Variants in NMT1 observed in about 807,000 individuals in gnomAD.
NMT1 encodes N-myristoyltransferase 1.
A neutral mutation model predicts 63.4 loss-of-function variants in NMT1; 12 were observed. The ratio of observed to expected loss-of-function variants is 0.19; its 90% CI spans 0.12 to 0.31. The LOEUF is 0.31. Among genes scored for constraint, NMT1 ranks in the 10% least tolerant of loss-of-function variants. The pLI, the probability that NMT1 is intolerant of heterozygous loss-of-function variation, is 1.00. For missense variants in NMT1, 432 were observed against 634.6 expected (o/e 0.68, Z 3.43); for synonymous variants, 228 against 234.3 (o/e 0.97, Z 0.25).
intron 1 of NMT1, among the ~76,000 whole-genome samples, chr17:45,065,651 C>G (rs1243353670): frequency 6.9e-6 from 1 of 145,780 alleles, no homozygotes; most frequent in African/African-American, 2.5e-5. Context: ...AAAAGAAATA[C>G]CTACAGAAAC....
intron 4 of NMT1, 29 bp downstream of exon 4, chr17:45,093,832 G>A: frequency 2.6e-6 from 4 of 1,552,558 alleles, no homozygotes; most frequent in Non-Finnish European, 3.6e-6. Context: ...GGTTACACCT[G>A]CGGGTAGGAG....
chr17:45,104,458 G>A lies in NMT1; in HGVS notation c.1333-401G>A, dbSNP rs2054190337. The A allele has an allele frequency of 9.2e-7, 1 of 1,092,042 alleles. No homozygotes were observed. Among genetic ancestry groups the A allele is most frequent in the East Asian group, 7.0e-5 (1 of 14,320 alleles). The allele number at this position is 1,092,042 out of a possible 1,614,324, so 67.6% of individuals were successfully genotyped here. A position where few individuals can be genotyped will look rare whatever the true frequency, so the allele number is the denominator to read the frequency against. ...GAGGTGCACTGAGGGCCTGAGAGTT[G>A]GGGCATCCATGGAGTAAGGAAGCAA... On this transcript the variant is annotated intron_variant, in intron 10 of 11. Coordinates refer to ENST00000258960, the MANE Select transcript of NMT1 (RefSeq NM_021079.5). The surrounding 1 kb of genome is among the most constrained non-coding windows in gnomAD (Gnocchi z 4.2).
At chr17:45,094,711 C>T (rs1392648918) in intron 4 of NMT1, among the ~76,000 whole-genome samples, 1 of 151,464 alleles carries the variant, frequency 6.6e-6, no homozygotes, top group Non-Finnish European at 1.5e-5. Context: ...GATGGTGTTT[C>T]ACCATGTTGG....
At position 45,103,776 on chromosome 17, in the gene NMT1, C is replaced by T. The variant is rs2054183987; in HGVS notation, c.1232C>T (p.Pro411Leu). Residue 411 changes from proline to leucine, a missense_variant, in exon 10 of 12, where the codon CCA becomes CTA. This residue lies in a region of NMT1 where 295 missense variants were observed against 489.7 expected (regional missense o/e 0.60). Transcript: ENST00000258960. This position sits in a 1 kb window ranked among gnomAD's most constrained non-coding sequence, Gnocchi z 4.8. ...CTGCCCTCCACCATCATGAACCATCCAACCCACAAGAGTCTCAAAGCTGCT... is the reference window on the plus strand; with the variant it reads ...CTGCCCTCCACCATCATGAACCATCTAACCCACAAGAGTCTCAAAGCTGCT... ...YTLPSTIMNH[P>L]THKSLKAAYS... 9.3e-6 allele frequency: 15 copies of T among 1,614,202 alleles called. No individual in the cohort carries two copies. Among genetic ancestry groups the T allele is most frequent in the Non-Finnish European group, 1.3e-5 (15 of 1,180,044 alleles).
chr17:45,095,307 C>A (rs1250064958), intron 4 of NMT1, among the ~76,000 whole-genome samples: 1 of 151,620 alleles, frequency 6.6e-6, no homozygotes, highest in Non-Finnish European at 1.5e-5. Context: ...GGGGTTTCAC[C>A]ACATTGGCCA....
chr17:45,104,074 G>A lies in NMT1; in HGVS notation c.1332+198G>A, dbSNP rs1304815211. On this transcript the variant is annotated intron_variant, in intron 10 of 11. Coordinates refer to ENST00000258960, the MANE Select transcript of NMT1 (RefSeq NM_021079.5). This position sits in a 1 kb window ranked among gnomAD's most constrained non-coding sequence, Gnocchi z 4.2. ...GGGAACAAGGAGCATCCGAAGTGAAGGCATTGAACTCCTCCTGATTCATTT... is the reference window on the plus strand; with the variant it reads ...GGGAACAAGGAGCATCCGAAGTGAAAGCATTGAACTCCTCCTGATTCATTT... 1 of 1,506,308 alleles carries A rather than the reference G, an allele frequency of 6.6e-7. No individual in the cohort carries two copies. Among genetic ancestry groups the A allele is most frequent in the East Asian group, 2.5e-5 (1 of 40,208 alleles). 93.3% of individuals were successfully genotyped at this position (1,506,308 alleles called of 1,614,324 possible). A position where few individuals can be genotyped will look rare whatever the true frequency, so the allele number is the denominator to read the frequency against.
At chr17:45,065,090 A>G (rs1235418012) in intron 1 of NMT1, among the ~76,000 whole-genome samples, 1 of 152,186 alleles carries the variant, frequency 6.6e-6, no homozygotes, top group Non-Finnish European at 1.5e-5. Flanking sequence ...TGTGTCTGGT[A>G]CCTGTCTCAT....
Position 45,068,289 on chromosome 17 carries a change from T to C in NMT1, c.131+6829T>C, listed in dbSNP as rs1390642722. ...GAGTTCGAGACCAGCCGGGCCAACATGGCAAAACCCCATCTCTACTAAAAA... is the reference window on the plus strand; with the variant it reads ...GAGTTCGAGACCAGCCGGGCCAACACGGCAAAACCCCATCTCTACTAAAAA... On this transcript the variant is annotated intron_variant, in intron 1 of 11. Coordinates refer to ENST00000258960, the MANE Select transcript of NMT1 (RefSeq NM_021079.5). Among the ~76,000 whole-genome samples, 4 of 152,256 alleles carry C rather than the reference T, an allele frequency of 2.6e-5. No homozygotes were observed. In the East Asian group the frequency reaches 7.7e-4, roughly 29 times the overall value.
chr17:45,102,852 T>C, intron 8 of NMT1, 99 bp from the exon 9 acceptor site: 1 of 1,174,760 alleles, frequency 8.5e-7, no homozygotes, highest in Non-Finnish European at 1.2e-6. Flanking sequence ...AGCCGCCGAA[T>C]GACCAGGGAT....
rs928858296 is a variant in NMT1 at position 45,102,581 on chromosome 17, G to A, written c.994-370G>A. 3.4e-4 allele frequency among the ~76,000 whole-genome samples: 52 copies of A among 152,238 alleles called. 1 individual carries two copies. Among genetic ancestry groups the A allele is most frequent in the Admixed American group, 3.3e-3 (50 of 15,286 alleles). ...TCACAGTTCAGTGAGAAGCCTGTGA[G>A]GACTGTTGGGCTGCGTGGGCAGAAG... is the stretch of plus-strand genomic sequence containing the variant. On this transcript the variant is annotated intron_variant, in intron 8 of 11. Transcript: ENST00000258960.
chr17:45,083,248 G>A (rs555993437), intron 2 of NMT1, among the ~76,000 whole-genome samples: 3 of 151,834 alleles, frequency 2.0e-5, no homozygotes, highest in Non-Finnish European at 4.4e-5. Flanking sequence ...GAACCCAGGC[G>A]GCAGAGGTTG....
At chr17:45,095,851 T>A (rs2054122012) in intron 4 of NMT1, among the ~76,000 whole-genome samples, 1 of 152,144 alleles carries the variant, frequency 6.6e-6, no homozygotes, top group Admixed American at 6.5e-5. Flanking sequence ...TGACTCTCCG[T>A]GGTAATTCCT....
In NMT1 at chr17:45,103,997, T is replaced by C; in HGVS notation, c.1332+121T>C. 1 of 1,597,882 alleles carries C rather than the reference T, an allele frequency of 6.3e-7. No individual in the cohort carries two copies. Among genetic ancestry groups the C allele is most frequent in the South Asian group, 1.1e-5 (1 of 90,360 alleles). ...GGAGGCTCTGAGCCCTCCTCATCTG[T>C]TCTGCTTAGGCAGGGTTCCCGCAGT... On this transcript the variant is annotated intron_variant, in intron 10 of 11. Transcript: ENST00000258960. The surrounding 1 kb of genome is among the most constrained non-coding windows in gnomAD (Gnocchi z 4.8).
chr17:45,071,833 A>C (rs2053941303), intron 1 of NMT1, among the ~76,000 whole-genome samples: 1 of 152,318 alleles, frequency 6.6e-6, no homozygotes, highest in Non-Finnish European at 1.5e-5. Flanking sequence ...TCCTGGGCTC[A>C]AGAGATCCTC....
intron 2 of NMT1, among the ~76,000 whole-genome samples, chr17:45,085,002 T>A (rs990652374): frequency 2.6e-5 from 4 of 151,794 alleles, no homozygotes; most frequent in Non-Finnish European, 5.9e-5. Context: ...AATCCCAGCA[T>A]TTTGGGAGGC....
chr17:45,066,571 T>A (rs554649152), intron 1 of NMT1, among the ~76,000 whole-genome samples: 1 of 151,974 alleles, frequency 6.6e-6, no homozygotes, highest in Non-Finnish European at 1.5e-5. Context: ...CTGGGCAACA[T>A]GGTGAGACCC....
rs973343235 is a variant in NMT1 at position 45,061,367 on chromosome 17, C to T, written c.38C>T (p.Ala13Val). 1 of 1,613,978 alleles carries T rather than the reference C, an allele frequency of 6.2e-7. No individual in the cohort carries two copies. Among genetic ancestry groups the T allele is most frequent in the Non-Finnish European group, 8.5e-7 (1 of 1,179,968 alleles). Reference sequence around the variant, plus strand: ...AGTGAGACAGCAGTGAAGCCGCCGGCACCTCCGCTGCCGCAGATGATGGAA... The same window carrying T: ...AGTGAGACAGCAGTGAAGCCGCCGGTACCTCCGCTGCCGCAGATGATGGAA... The part of the protein sequence containing the change: ...DESETAVKPP[A>V]PPLPQMMEGN... The change falls in exon 1 of 12, where the codon GCA becomes GTA. Residue 13 changes from alanine to valine, a missense_variant. Physicochemically the swap from Ala to Val is moderately conservative, Grantham distance 64. Coordinates refer to ENST00000258960, the MANE Select transcript of NMT1 (RefSeq NM_021079.5).
At chr17:45,096,131 G>A in intron 4 of NMT1, 63 bp from the exon 5 acceptor site, 1 of 1,204,360 alleles carries the variant, frequency 8.3e-7, no homozygotes, top group Non-Finnish European at 1.2e-6. Context: ...AGAGCCCCAG[G>A]GTATTGGAGT....
At position 45,076,189 on chromosome 17, in the gene NMT1, A is replaced by G. The variant is rs555302021; in HGVS notation, c.132-5455A>G. On this transcript the variant is annotated intron_variant, in intron 1 of 11. Transcript: ENST00000258960. ...TTTTCCCTTAGTCCAAATTGAGGCCATTCTTCTGTGAAGTGGCGTTGGCTT... is the reference window on the plus strand; with the variant it reads ...TTTTCCCTTAGTCCAAATTGAGGCCGTTCTTCTGTGAAGTGGCGTTGGCTT... Among the ~76,000 whole-genome samples, 6 of 152,328 alleles carry G rather than the reference A, an allele frequency of 3.9e-5. 1 individual carries two copies. In the South Asian group the frequency reaches 1.0e-3, roughly 26 times the overall value.
Sources: gnomAD v4.1 joint callset for allele counts (sites outside exome capture counted in the v4.1 genomes callset) on GRCh38, gnomAD v4.1.1 for gene constraint, gnomAD v4.1.1 regional missense constraint, Gnocchi (gnomAD v3.1) non-coding constraint, MANE v1.5 for transcripts, NCBI Gene and HGNC (gene_info 2026-07-23, HGNC 2026-07-21) for gene names.